LRRC58: variants seen among roughly 807,000 people sequenced by gnomAD.
The protein encoded by LRRC58 is leucine-rich repeat-containing protein 58.
A neutral mutation model predicts 30.6 loss-of-function variants in LRRC58; 18 were observed. That is an observed-to-expected ratio of 0.59 (90% CI 0.41 to 0.87). The LOEUF (loss-of-function observed/expected upper bound fraction) is 0.87. Ranked by LOEUF, LRRC58 falls within the 40% of genes least tolerant of loss-of-function variation. The probability of loss-of-function intolerance (pLI) is 0.00; values close to 1 mark genes in which losing one functional copy is unlikely to be tolerated. For missense variants in LRRC58, 420 were observed against 468.4 expected, an observed-to-expected ratio of 0.90 and a Z score of 0.95; for synonymous variants, 221 against 206.0, an observed-to-expected ratio of 1.07 and a Z score of -0.62.
chr3:120,348,619 C>A, intron 1 of LRRC58, 125 bp downstream of exon 1: 1 of 1,145,824 alleles, frequency 8.7e-7, no homozygotes, highest in South Asian at 1.7e-5. Flanking sequence ...GAACTCACTA[C>A]CGCACAGTTA....
At chr3:120,343,256 T>G (rs1247038194) in intron 1 of LRRC58, among the ~76,000 whole-genome samples, 1 of 152,266 alleles carries the variant, frequency 6.6e-6, no homozygotes, top group Non-Finnish European at 1.5e-5. Context: ...TTTTACTTTC[T>G]AACTCAAATA....
chr3:120,336,492 T>C (rs2107623421), intron 1 of LRRC58, among the ~76,000 whole-genome samples: 1 of 152,332 alleles, frequency 6.6e-6, no homozygotes, highest in South Asian at 2.1e-4. Flanking sequence ...ACAAGAACCC[T>C]GAATTCTATG....
intron 1 of LRRC58, among the ~76,000 whole-genome samples, chr3:120,342,032 C>T (rs1471217662): frequency 6.6e-6 from 1 of 152,114 alleles, no homozygotes; most frequent in Non-Finnish European, 1.5e-5. Flanking sequence ...GGAAGGATCC[C>T]CCCAACAATC....
intron 1 of LRRC58, among the ~76,000 whole-genome samples, chr3:120,343,150 T>TGA: frequency 6.6e-6 from 1 of 152,250 alleles, no homozygotes; most frequent in Non-Finnish European, 1.5e-5. Flanking sequence ...ACTAAGGCCA[T>TGA]GATTTTGCAA....
rs71327223 is a variant in LRRC58, at chr3:120,348,716, C to A, written c.500+28G>T. The A allele has an allele frequency of 2.0e-6, 3 of 1,515,034 alleles. No homozygotes were observed. In the South Asian group the frequency reaches 3.9e-5, roughly 20 times the overall value. The allele number at this position is 1,515,034 out of a possible 1,614,324, so 93.8% of individuals were successfully genotyped here. ...GGTTCCCGGACACCGCCCGAGGCCT[C>A]CCCACCCTCCGGCACACACCCGCTC... On this transcript the variant is annotated intron_variant, in intron 1 of 3. Coordinates refer to ENST00000295628, the MANE Select transcript of LRRC58 (RefSeq NM_001099678.2).
In LRRC58 at chr3:120,343,401, T is replaced by C. The variant is rs185831899; in HGVS notation, c.500+5343A>G. On this transcript the variant is annotated intron_variant, in intron 1 of 3. Coordinates refer to ENST00000295628, the MANE Select transcript of LRRC58 (RefSeq NM_001099678.2). ...TGTTGTTGAATTTGTAGCAAAACTG[T>C]AGGGTTTAAGTTCTTGTGGTTATCA... 2.2e-3 allele frequency among the ~76,000 whole-genome samples: 334 copies of C among 152,318 alleles called. 1 individual carries two copies. The highest frequency in any genetic ancestry group is 7.1e-3 in the African/African-American group (295 of 41,568).
intron 3 of LRRC58, among the ~76,000 whole-genome samples, chr3:120,333,384 T>G (rs1419243510): frequency 1.3e-5 from 2 of 152,262 alleles, no homozygotes; most frequent in African/African-American, 4.8e-5. Context: ...TGTGTTTTCC[T>G]CTGTCACTGT....
intron 3 of LRRC58, among the ~76,000 whole-genome samples, chr3:120,333,448 A>T (rs542565679): frequency 6.6e-6 from 1 of 152,250 alleles, no homozygotes; most frequent in South Asian, 2.1e-4. Context: ...TGCAATCTCT[A>T]CTTCTAAGAG....
At chr3:120,340,689 C>G (rs1036240501) in intron 1 of LRRC58, among the ~76,000 whole-genome samples, 2 of 152,010 alleles carry the variant, frequency 1.3e-5, no homozygotes, top group African/African-American at 4.8e-5. Flanking sequence ...GCTTGGCTAA[C>G]TGGTAAAATA....
At chr3:120,332,643 CTG>C (rs1935773182) in intron 3 of LRRC58, among the ~76,000 whole-genome samples, 1 of 152,112 alleles carries the variant, frequency 6.6e-6, no homozygotes, top group South Asian at 2.1e-4. Flanking sequence ...AAAAGTATCT[CTG>C]AGAATATAAA....
At chr3:120,338,333 T>C (rs1935861174) in intron 1 of LRRC58, among the ~76,000 whole-genome samples, 1 of 152,156 alleles carries the variant, frequency 6.6e-6, no homozygotes, top group Non-Finnish European at 1.5e-5. Context: ...ATATTATCTA[T>C]CATATAAAAT....
intron 1 of LRRC58, among the ~76,000 whole-genome samples, chr3:120,346,214 G>T (rs1392084634): frequency 6.6e-6 from 1 of 152,088 alleles, no homozygotes; most frequent in Admixed American, 6.6e-5. Context: ...CCCAGATCAT[G>T]CCACTGCACT....
chr3:120,334,893 T>G lies in LRRC58; in HGVS notation c.876A>C (p.Ser292=). 1 of 1,613,754 alleles carries G rather than the reference T, an allele frequency of 6.2e-7. No individual in the cohort carries two copies. Among genetic ancestry groups the G allele is most frequent in the Admixed American group, 1.7e-5 (1 of 60,006 alleles). Residue 292 remains serine, a synonymous_variant, in exon 3 of 4, where the codon TCA becomes TCC. Coordinates refer to ENST00000295628, the MANE Select transcript of LRRC58 (RefSeq NM_001099678.2). ...LPGNLLRYLG[S]ASNCPNPKCG... is the part of the protein sequence containing the mutation. ...ACTTTGGGTTTGGGCAATTGCTGGC[T>G]GAACCCAAGTATCTAAGAAGATTTC...
chr3:120,335,911 G>T lies in LRRC58; in HGVS notation c.543C>A (p.Ile181=). Residue 181 remains isoleucine, a synonymous_variant, in exon 2 of 4, where the codon ATC becomes ATA. Transcript: ENST00000295628. Reference sequence around the variant, plus strand: ...AAGGCAGATTTCCTAATTCTGGTGGGATTTCTTTAATGAAATTTCCTCCAA... The same window carrying T: ...AAGGCAGATTTCCTAATTCTGGTGGTATTTCTTTAATGAAATTTCCTCCAA... ...LYLGGNFIKE[I]PPELGNLPSL... is the part of the protein sequence containing the mutation. 6.3e-7 allele frequency: 1 copy of T among 1,598,432 alleles called. No individual in the cohort carries two copies. Among genetic ancestry groups the T allele is most frequent in the South Asian group, 1.1e-5 (1 of 90,688 alleles).
At chr3:120,345,650 C>T (rs1011123546) in intron 1 of LRRC58, among the ~76,000 whole-genome samples, 2 of 152,172 alleles carry the variant, frequency 1.3e-5, no homozygotes, top group African/African-American at 2.4e-5. Flanking sequence ...GGGGATGAAT[C>T]GGGTCACTGC....
intron 1 of LRRC58, among the ~76,000 whole-genome samples, chr3:120,341,121 T>C (rs78477723): frequency 0.034 from 5,254 of 152,316 alleles, 142 homozygotes; most frequent in South Asian, 0.12. Flanking sequence ...TGCTTAAGCA[T>C]TGGTGAAAAC....
At chr3:120,343,951 A>T (rs111782197) in intron 1 of LRRC58, among the ~76,000 whole-genome samples, 65 of 152,272 alleles carry the variant, frequency 4.3e-4, no homozygotes, top group Admixed American at 1.9e-3. Flanking sequence ...AGGCAGGAGA[A>T]TCACCTGAAC....
intron 1 of LRRC58, among the ~76,000 whole-genome samples, chr3:120,347,328 G>A (rs533846579): frequency 6.7e-6 from 1 of 149,290 alleles, no homozygotes; most frequent in East Asian, 2.0e-4. Flanking sequence ...GGATACAAGT[G>A]ACTTGCCTAA....
At position 120,329,817 on chromosome 3, in the gene LRRC58, C is replaced by T. The variant is rs1425706371; in HGVS notation, c.*1383G>A. The T allele has an allele frequency of 6.6e-6, 1 of 151,920 alleles. No homozygotes were observed. The highest frequency in any genetic ancestry group is 1.9e-4 in the East Asian group (1 of 5,196). 9.4% of individuals were successfully genotyped at this position (151,920 alleles called of 1,614,324 possible). A position where few individuals can be genotyped will look rare whatever the true frequency, so the allele number is the denominator to read the frequency against. On this transcript the variant is annotated 3_prime_UTR_variant, in exon 4 of 4. Transcript: ENST00000295628. ...CATGTTATTAGTTATTTAATGATTA[C>T]CAGTAAGCACTTACTTTATATCAAC...
Sources: gnomAD v4.1 joint callset for allele counts (sites outside exome capture counted in the v4.1 genomes callset) on GRCh38, gnomAD v4.1.1 for gene constraint, MANE v1.5 for transcripts, NCBI Gene and HGNC (gene_info 2026-07-23, HGNC 2026-07-21) for gene names.